NELL1: variants seen among roughly 807,000 people sequenced by gnomAD.
NELL1 encodes the protein protein kinase C-binding protein NELL1.
Under a neutral mutation model 107.4 loss-of-function variants are expected in NELL1, and 76 were observed. The observed-to-expected ratio is 0.71, with a 90% CI of 0.59 to 0.86. NELL1 has a LOEUF of 0.86. Ranked by LOEUF, NELL1 falls within the 40% of genes least tolerant of loss-of-function variation. The pLI, the probability that NELL1 is intolerant of heterozygous loss-of-function variation, is 0.00. For missense variants in NELL1, 1,024 were observed against 1,005.5 expected, an observed-to-expected ratio of 1.02 and a Z score of -0.25; for synonymous variants, 353 against 341.2, an observed-to-expected ratio of 1.03 and a Z score of -0.38.
intron 5 of NELL1, among the ~76,000 whole-genome samples, chr11:20,914,755 A>G (rs1850208915): frequency 6.6e-6 from 1 of 152,014 alleles, no homozygotes; most frequent in African/African-American, 2.4e-5. Flanking sequence ...CCTAGGATTA[A>G]GGTATCCTTT....
At chr11:21,162,590 A>T (rs919648262) in intron 13 of NELL1, among the ~76,000 whole-genome samples, 2 of 152,172 alleles carry the variant, frequency 1.3e-5, no homozygotes, top group African/African-American at 4.8e-5. Flanking sequence ...GAAGAAAAGG[A>T]TGAAGCTATG....
intron 14 of NELL1, among the ~76,000 whole-genome samples, chr11:21,337,528 C>T (rs1850432996): frequency 6.6e-6 from 1 of 152,218 alleles, no homozygotes; most frequent in African/African-American, 2.4e-5. Flanking sequence ...TACAGGAGCT[C>T]TTACATGGCC....
At chr11:21,161,413 G>A (rs1314634612) in intron 13 of NELL1, among the ~76,000 whole-genome samples, 4 of 151,974 alleles carry the variant, frequency 2.6e-5, no homozygotes, top group Non-Finnish European at 4.4e-5. Flanking sequence ...GGCGCACGCC[G>A]GTAATCCCAG....
In NELL1 at chr11:21,082,559, C is replaced by A. The variant is rs372531364; in HGVS notation, c.1301-31030C>A. On this transcript the variant is annotated intron_variant, in intron 12 of 19. Transcript: ENST00000357134. Reference sequence around the variant, plus strand: ...TTAAATTCATTTTTCTAAAATACAGCCCAAATCCAGGAAGTTCGTGGTTTA... The same window carrying A: ...TTAAATTCATTTTTCTAAAATACAGACCAAATCCAGGAAGTTCGTGGTTTA... Among the ~76,000 whole-genome samples the A allele has an allele frequency of 2.0e-5, 3 of 152,120 alleles. No individual in the cohort carries two copies. The East Asian group carries it at 5.8e-4, about 29-fold the overall frequency.
intron 14 of NELL1, among the ~76,000 whole-genome samples, chr11:21,311,358 C>T (rs909508737): frequency 8.5e-5 from 13 of 152,084 alleles, no homozygotes; most frequent in African/African-American, 2.9e-4. Context: ...GTGTGTATTT[C>T]ACATGCCTGG....
chr11:21,562,247 T>C (rs114770383), intron 17 of NELL1, among the ~76,000 whole-genome samples: 2,486 of 152,140 alleles, frequency 0.016, 72 homozygotes, highest in African/African-American at 0.057. Context: ...CGTATATTGA[T>C]TTCTTCTGTT....
At chr11:21,205,081 A>G (rs913600803) in intron 13 of NELL1, among the ~76,000 whole-genome samples, 5 of 152,168 alleles carry the variant, frequency 3.3e-5, no homozygotes, top group Non-Finnish European at 4.4e-5. Flanking sequence ...GTCAGGAGAC[A>G]TGGGGGTCAG....
intron 14 of NELL1, among the ~76,000 whole-genome samples, chr11:21,332,352 ATT>A (rs1850290577): frequency 6.6e-6 from 1 of 151,568 alleles, no homozygotes; most frequent in African/African-American, 2.4e-5. Context: ...AACTCTAATC[ATT>A]GTCTCCTGAT....
At chr11:21,201,852 G>A (rs2198512) in intron 13 of NELL1, among the ~76,000 whole-genome samples, 97,379 of 152,042 alleles carry the variant, frequency 0.64, 35,533 homozygotes, top group Non-Finnish European at 0.81. Context: ...ATTGAATTTT[G>A]TCGAAGGCCT....
intron 16 of NELL1, among the ~76,000 whole-genome samples, chr11:21,545,077 G>A (rs56372936): frequency 0.19 from 28,599 of 151,818 alleles, 3,416 homozygotes; most frequent in African/African-American, 0.33. Context: ...ATTGAGTGAC[G>A]TTCTAGTGGT....
chr11:20,892,080 T>C (rs1223227249), intron 5 of NELL1, among the ~76,000 whole-genome samples: 2 of 152,200 alleles, frequency 1.3e-5, no homozygotes, highest in African/African-American at 4.8e-5. Flanking sequence ...CAGTGCCACA[T>C]GACTCTTATT....
chr11:21,534,580 T>C, intron 16 of NELL1, 66 bp downstream of exon 16: 1 of 1,542,206 alleles, frequency 6.5e-7, no homozygotes, highest in Non-Finnish European at 8.9e-7. Flanking sequence ...CTTGCTTTGG[T>C]ACTCTGTTCA....
At position 21,212,829 on chromosome 11, in the gene NELL1, C is replaced by A. The variant is rs1263556086; in HGVS notation, c.1427-16503C>A. Among the ~76,000 whole-genome samples the A allele has an allele frequency of 3.3e-5, 5 of 152,092 alleles. No individual in the cohort carries two copies. The South Asian group carries it at 1.0e-3, about 32-fold the overall frequency. ...AGCAGTGATGTCTGCACTTACCACT[C>A]TTGGGCAACATAGCACTGGAAGTTT... On this transcript the variant is annotated intron_variant, in intron 13 of 19. Transcript: ENST00000357134.
At chr11:21,365,089 C>T (rs1254196348) in intron 14 of NELL1, among the ~76,000 whole-genome samples, 1 of 152,178 alleles carries the variant, frequency 6.6e-6, no homozygotes, top group African/African-American at 2.4e-5. Context: ...GTCCACCGGG[C>T]ATAGTTAATC....
chr11:21,237,632 T>A (rs1436033428), intron 14 of NELL1, among the ~76,000 whole-genome samples: 1 of 152,114 alleles, frequency 6.6e-6, no homozygotes, highest in Admixed American at 6.6e-5. Flanking sequence ...CCAGGCACTA[T>A]GCTAGGCTCT....
chr11:20,762,547 A>G (rs1856444409), intron 2 of NELL1, among the ~76,000 whole-genome samples: 1 of 152,218 alleles, frequency 6.6e-6, no homozygotes. Context: ...CCGATAATTC[A>G]TTTGAAAAAG....
chr11:21,175,431 G>T (rs1418791709), intron 13 of NELL1, among the ~76,000 whole-genome samples: 1 of 151,710 alleles, frequency 6.6e-6, no homozygotes, highest in African/African-American at 2.4e-5. Context: ...GGGATTTCTG[G>T]CAAAGCATAC....
chr11:20,794,833 C>G (rs761659490), intron 3 of NELL1, among the ~76,000 whole-genome samples: 2 of 152,120 alleles, frequency 1.3e-5, no homozygotes, highest in African/African-American at 2.4e-5. Flanking sequence ...TCACCCAAAC[C>G]TGGTAATGTT....
chr11:20,776,521 A>G (rs1724776294), intron 2 of NELL1, among the ~76,000 whole-genome samples: 1 of 152,088 alleles, frequency 6.6e-6, no homozygotes, highest in Admixed American at 6.5e-5. Flanking sequence ...CATGTAAATG[A>G]TTCTATACAT....
Sources: gnomAD v4.1 joint callset for allele counts (sites outside exome capture counted in the v4.1 genomes callset) on GRCh38, gnomAD v4.1.1 for gene constraint, MANE v1.5 for transcripts, NCBI Gene and HGNC (gene_info 2026-07-23, HGNC 2026-07-21) for gene names.